The following RNLS variants were observed in gnomAD, a reference collection of about 807,000 sequenced individuals.
RNLS encodes renalase.
In RNLS, 39 loss-of-function variants were observed where a neutral mutation model predicts 39.8. The observed-to-expected ratio is 0.98, with a 90% CI of 0.76 to 1.28. The LOEUF (loss-of-function observed/expected upper bound fraction) is 1.28. Ranked by LOEUF, RNLS falls within the 50% of genes most tolerant of loss-of-function variation. The pLI is 0.00. For missense variants in RNLS, 410 were observed against 413.3 expected (o/e 0.99, Z 0.07); for synonymous variants, 147 against 150.7 (o/e 0.98, Z 0.18).
chr10:88,494,301 A>G (rs2134078168), intron 4 of RNLS, among the ~76,000 whole-genome samples: 1 of 152,242 alleles, frequency 6.6e-6, no homozygotes, highest in African/African-American at 2.4e-5. Context: ...AATAATCAGC[A>G]TATAAATGGA....
the RNLS span, among the ~76,000 whole-genome samples, chr10:88,258,606 A>G: frequency 6.6e-6 from 1 of 152,236 alleles, no homozygotes; most frequent in Non-Finnish European, 1.5e-5. Flanking sequence ...TGCAATCATT[A>G]TTTGATGGTA....
At position 88,438,139 on chromosome 10, in the gene RNLS, A is replaced by G. The variant is rs1039745624; in HGVS notation, c.527-75414T>C. On this transcript the variant is annotated intron_variant, in intron 4 of 6. Coordinates refer to ENST00000331772, the MANE Select transcript of RNLS (RefSeq NM_001031709.3). ...GAAACTCCTAAAAAAAAAAAAAAAA[A>G]AAGAAGCTCAGGAAAAGATGGACCC... Among the ~76,000 whole-genome samples, 85 of 151,616 alleles carry G rather than the reference A, an allele frequency of 5.6e-4. 1 individual carries two copies. The highest frequency in any genetic ancestry group is 1.2e-4 in the Non-Finnish European group (8 of 67,840).
At chr10:88,564,157 C>G (rs1038139523) in intron 4 of RNLS, among the ~76,000 whole-genome samples, 8 of 152,062 alleles carry the variant, frequency 5.3e-5, no homozygotes, top group African/African-American at 1.7e-4. Flanking sequence ...TTCTTGAGAT[C>G]TTCTCCGCTT....
At chr10:88,368,302 A>C (rs1413763534) in intron 4 of RNLS, among the ~76,000 whole-genome samples, 1 of 152,114 alleles carries the variant, frequency 6.6e-6, no homozygotes. Flanking sequence ...TGGAAATTAC[A>C]ATATAAAAAT....
chr10:88,353,065 A>G (rs186721517), intron 5 of RNLS, among the ~76,000 whole-genome samples: 1 of 152,084 alleles, frequency 6.6e-6, no homozygotes, highest in African/African-American at 2.4e-5. Flanking sequence ...ATCATTTTTT[A>G]TTGCACCTAT....
chr10:88,267,960 G>A, the RNLS span, among the ~76,000 whole-genome samples: 1 of 152,166 alleles, frequency 6.6e-6, no homozygotes, highest in Non-Finnish European at 1.5e-5. Flanking sequence ...CAGCCTTATA[G>A]GGGAGAAACG....
chr10:88,179,813 G>T, the RNLS span, among the ~76,000 whole-genome samples: 1 of 152,198 alleles, frequency 6.6e-6, no homozygotes, highest in Non-Finnish European at 1.5e-5. Context: ...CAAAGTATTT[G>T]CTATGTCTTT....
the RNLS span, among the ~76,000 whole-genome samples, chr10:88,261,762 A>G: frequency 1.3e-5 from 2 of 152,234 alleles, no homozygotes; most frequent in Non-Finnish European, 2.9e-5. Context: ...AATTAAAAAG[A>G]ATGAACAACA....
chr10:88,366,945 A>C (rs1850161624), intron 4 of RNLS, among the ~76,000 whole-genome samples: 1 of 151,780 alleles, frequency 6.6e-6, no homozygotes, highest in Non-Finnish European at 1.5e-5. Flanking sequence ...GCTCTTGTCT[A>C]TTTTATAGAC....
intron 5 of RNLS, among the ~76,000 whole-genome samples, chr10:88,333,902 A>C (rs1175268507): frequency 1.3e-5 from 2 of 152,164 alleles, no homozygotes; most frequent in African/African-American, 4.8e-5. Flanking sequence ...TGAAGGAGAG[A>C]GTGAACCCTC....
chr10:88,310,801 C>CAAAAAAAA lies in RNLS; in HGVS notation c.876+3657_876+3664dup, dbSNP rs577838661. On this transcript the variant is annotated intron_variant, in intron 6 of 6. Transcript: ENST00000331772. ...TGACAGATTTAGAGCCTACCTCTGC[C>CAAAAAAAA]AAAAAAAAAAAAAAAAAAAAAAAAA... Among the ~76,000 whole-genome samples, 12 of 19,592 alleles carry CAAAAAAAA rather than the reference C, an allele frequency of 6.1e-4. 1 individual carries two copies. The highest frequency in any genetic ancestry group is 1.6e-3 in the African/African-American group (8 of 5,014). The allele number at this position is 19,592 out of a possible 152,430, so 12.9% of individuals were successfully genotyped here.
At chr10:88,377,248 ACACACACACACG>A (rs371730749) in intron 4 of RNLS, among the ~76,000 whole-genome samples, 4,062 of 152,074 alleles carry the variant, frequency 0.027, 65 homozygotes, top group Non-Finnish European at 0.035. Flanking sequence ...ATATACACAC[ACACACACACACG>A]CACACATCCT....
the RNLS span, among the ~76,000 whole-genome samples, chr10:88,214,733 A>T: frequency 1.3e-5 from 2 of 152,180 alleles, no homozygotes; most frequent in African/African-American, 2.4e-5. Context: ...GTTCCTTTTT[A>T]AAAATTAATA....
chr10:88,314,149 C>T (rs1243099786), intron 6 of RNLS, among the ~76,000 whole-genome samples: 1 of 152,054 alleles, frequency 6.6e-6, no homozygotes, highest in East Asian at 1.9e-4. Flanking sequence ...TAGAAAAACC[C>T]CAAAGAAACA....
chr10:88,235,840 G>GT, the RNLS span, among the ~76,000 whole-genome samples: 1,808 of 149,056 alleles, frequency 0.012, 23 homozygotes, highest in Non-Finnish European at 0.02. Flanking sequence ...TTGTTTTTTT[G>GT]TTTTTTTTTG....
In RNLS at chr10:88,284,246, G is replaced by T. The variant is rs966778534; in HGVS notation, c.*1108C>A. 1.0e-6 allele frequency: 1 copy of T among 985,268 alleles called. No homozygotes were observed. Among genetic ancestry groups the T allele is most frequent in the Non-Finnish European group, 1.2e-6 (1 of 829,912 alleles). The allele number at this position is 985,268 out of a possible 1,614,324, so 61.0% of individuals were successfully genotyped here. On this transcript the variant is annotated 3_prime_UTR_variant, in exon 7 of 7. Transcript: ENST00000331772. The stretch of plus-strand genomic sequence containing the variant: ...TATGTATGACAGTGGACATGTAAGT[G>T]TGAAACTTTAAACACTATTACAGTA...
chr10:88,301,575 C>G (rs1844520539), intron 6 of RNLS, among the ~76,000 whole-genome samples: 1 of 152,186 alleles, frequency 6.6e-6, no homozygotes, highest in African/African-American at 2.4e-5. Flanking sequence ...GTTAAATTAT[C>G]AAACACTGGA....
intron 6 of RNLS, among the ~76,000 whole-genome samples, chr10:88,293,121 G>T (rs1233425765): frequency 6.6e-6 from 1 of 152,050 alleles, no homozygotes; most frequent in Non-Finnish European, 1.5e-5. Flanking sequence ...TACTTAAATT[G>T]TTCCTGAATT....
At chr10:88,454,245 T>A (rs11202750) in intron 4 of RNLS, among the ~76,000 whole-genome samples, 78,875 of 152,048 alleles carry the variant, frequency 0.52, 21,068 homozygotes, top group African/African-American at 0.66. Context: ...AAATTGAGTA[T>A]CAAATAAAAC....
Sources: allele counts gnomAD v4.1 joint callset (sites outside exome capture counted in the v4.1 genomes callset), GRCh38; gene constraint gnomAD v4.1.1; transcripts MANE v1.5; gene names NCBI Gene and HGNC (gene_info 2026-07-23, HGNC 2026-07-21).